The following DNAH14 variants were observed in gnomAD, a reference collection of about 807,000 sequenced individuals.
DNAH14 encodes the protein dynein axonemal heavy chain 14, also known as axonemal beta dynein heavy chain 14.
DNAH14 carries 478 observed loss-of-function variants against 520.9 expected under a neutral mutation model. The observed-to-expected ratio is 0.92, with a 90% CI of 0.85 to 0.99. DNAH14 has a LOEUF of 0.99. Among genes scored for constraint, DNAH14 ranks in the 50% least tolerant of loss-of-function variants. The pLI is 0.00. For synonymous variants in DNAH14, 1,581 were observed against 1,757.2 expected, an observed-to-expected ratio of 0.90 and a Z score of 2.51; for missense variants, 4,831 against 5,234.5, an observed-to-expected ratio of 0.92 and a Z score of 2.38.
intron 75 of DNAH14, 141 bp from the exon 76 acceptor site, chr1:225,364,650 GA>G: frequency 1.9e-6 from 1 of 536,092 alleles, no homozygotes; most frequent in East Asian, 3.3e-5. Context: ...GCGCAACATG[GA>G]AGCTCTTCTG....
rs149531816 is a variant in DNAH14 at position 225,246,856 on chromosome 1, A to G, written c.6749-5445A>G. Among the ~76,000 whole-genome samples the G allele has an allele frequency of 3.7e-3, 560 of 152,336 alleles. 4 individuals carry two copies. Among genetic ancestry groups the G allele is most frequent in the African/African-American group, 0.013 (542 of 41,572 alleles). ...AGGATCTAGAACCAGATACCATTTG[A>G]CCCAGCAATCCCATTACTGGGTATA... On this transcript the variant is annotated intron_variant, in intron 43 of 85. Coordinates refer to ENST00000682510, the MANE Select transcript of DNAH14 (RefSeq NM_001367479.1).
chr1:225,249,871 T>C (rs1184638405), intron 43 of DNAH14, among the ~76,000 whole-genome samples: 2 of 152,216 alleles, frequency 1.3e-5, no homozygotes, highest in Admixed American at 1.3e-4. Flanking sequence ...ATTTCATGTA[T>C]CATAATGTTT....
chr1:225,017,641 C>T (rs185214768), intron 10 of DNAH14, among the ~76,000 whole-genome samples: 6 of 152,348 alleles, frequency 3.9e-5, no homozygotes, highest in South Asian at 2.1e-4. Flanking sequence ...TGTTTCCCAC[C>T]GATGGTCACC....
intron 17 of DNAH14, among the ~76,000 whole-genome samples, chr1:225,061,733 T>A (rs1459210225): frequency 6.6e-6 from 1 of 152,170 alleles, no homozygotes; most frequent in Non-Finnish European, 1.5e-5. Flanking sequence ...AAGTGATCCT[T>A]TCAGCCTCCT....
At position 225,259,197 on chromosome 1, in the gene DNAH14, A is replaced by C. The variant is rs772223942; in HGVS notation, c.7101A>C (p.Ile2367=). 6.5e-6 allele frequency: 10 copies of C among 1,544,876 alleles called. No homozygotes were observed. In the South Asian group the frequency reaches 1.2e-4, roughly 19 times the overall value. Residue 2367 remains isoleucine, a synonymous_variant, in exon 46 of 86, where the codon ATA becomes ATC. Coordinates refer to ENST00000682510, the MANE Select transcript of DNAH14 (RefSeq NM_001367479.1). ...TAGAGGGTCCAGGAGCATTTGACAT[A>C]AAACATGGTTCAATTTTAGGAGACA... The part of the protein sequence containing the change: ...EKLEGPGAFD[I]KHGSILGDTL...
intron 55 of DNAH14, among the ~76,000 whole-genome samples, chr1:225,297,134 G>T (rs1574596891): frequency 2.0e-5 from 3 of 151,708 alleles, no homozygotes; most frequent in Admixed American, 1.3e-4. Context: ...TCTTTCTTCT[G>T]CTTGGTCTTA....
At chr1:225,048,767 A>G (rs2068202964) in intron 15 of DNAH14, among the ~76,000 whole-genome samples, 1 of 152,158 alleles carries the variant, frequency 6.6e-6, no homozygotes, top group African/African-American at 2.4e-5. Flanking sequence ...TATATTTAAC[A>G]TTATGAGAAT....
intron 27 of DNAH14, among the ~76,000 whole-genome samples, chr1:225,127,829 T>A (rs576848600): frequency 7.0e-4 from 106 of 152,316 alleles, no homozygotes; most frequent in Non-Finnish European, 1.4e-3. Context: ...TTTGGCATGA[T>A]TTTGCAGCGG....
At chr1:225,304,844 A>C in intron 57 of DNAH14, 64 bp from the exon 58 acceptor site, 2 of 1,351,726 alleles carry the variant, frequency 1.5e-6, no homozygotes, top group Non-Finnish European at 2.0e-6. Context: ...TAAGTGTTCA[A>C]CTTTCTCTTT....
At chr1:225,157,996 A>G (rs2081198149) in intron 34 of DNAH14, among the ~76,000 whole-genome samples, 2 of 152,214 alleles carry the variant, frequency 1.3e-5, no homozygotes, top group Admixed American at 6.5e-5. Flanking sequence ...GTGACTATAT[A>G]TAGTTAACAG....
intron 17 of DNAH14, among the ~76,000 whole-genome samples, chr1:225,068,789 G>A (rs971295803): frequency 7.2e-5 from 11 of 152,132 alleles, no homozygotes; most frequent in East Asian, 1.9e-4. Flanking sequence ...ATTTTTGCAC[G>A]TTGATTTTCT....
intron 41 of DNAH14, among the ~76,000 whole-genome samples, chr1:225,225,926 C>A (rs945987807): frequency 2.6e-5 from 4 of 152,146 alleles, no homozygotes; most frequent in Admixed American, 1.3e-4. Flanking sequence ...GACGATGCAG[C>A]TTCCTCAGAC....
chr1:225,361,763 T>C (rs1262272111), intron 75 of DNAH14, among the ~76,000 whole-genome samples: 1 of 152,208 alleles, frequency 6.6e-6, no homozygotes, highest in Non-Finnish European at 1.5e-5. Context: ...CTCACGCCTA[T>C]AGTCCCAATG....
Position 225,082,679 on chromosome 1 carries a change from T to C in DNAH14, c.3267T>C (p.Ile1089=), listed in dbSNP as rs1487657799. Residue 1089 remains isoleucine (I), a synonymous_variant, in exon 20 of 86, where the codon ATT becomes ATC. Coordinates refer to ENST00000682510, the MANE Select transcript of DNAH14 (RefSeq NM_001367479.1). ...KPRHWEALQE[I]IGKSVPLDKN... ...GGCATTGGGAGGCTCTCCAGGAGAT[T>C]ATTGGGAAGTCAGTTCCGCTTGATA... is the stretch of plus-strand genomic sequence containing the variant. 1 of 1,551,420 alleles carries C rather than the reference T, an allele frequency of 6.4e-7. No homozygotes were observed. Among genetic ancestry groups the C allele is most frequent in the Non-Finnish European group, 8.7e-7 (1 of 1,146,852 alleles).
At chr1:225,037,451 T>C (rs553201791) in intron 11 of DNAH14, among the ~76,000 whole-genome samples, 1 of 152,290 alleles carries the variant, frequency 6.6e-6, no homozygotes, top group East Asian at 1.9e-4. Flanking sequence ...TATTTTAACC[T>C]CAGGACAACT....
chr1:225,259,480 T>A (rs754418692), intron 46 of DNAH14, among the ~76,000 whole-genome samples: 3 of 152,208 alleles, frequency 2.0e-5, no homozygotes, highest in Admixed American at 6.5e-5. Context: ...TGGTGTACAA[T>A]GTGATGCTTT....
At chr1:225,059,287 C>T (rs10799290) in intron 17 of DNAH14, among the ~76,000 whole-genome samples, 129,592 of 152,164 alleles carry the variant, frequency 0.85, 58,761 homozygotes, top group Non-Finnish European at 1. Flanking sequence ...GTAATGGCCT[C>T]CTTTGTCTCT....
At chr1:225,204,088 T>G in intron 38 of DNAH14, 95 bp from the exon 39 acceptor site, 1 of 627,204 alleles carries the variant, frequency 1.6e-6, no homozygotes, top group Non-Finnish European at 2.5e-6. Flanking sequence ...CCTTTTATAT[T>G]TTTATCACTC....
Position 225,340,572 on chromosome 1 carries a change from A to G in DNAH14, c.10549A>G (p.Thr3517Ala). 6.4e-7 allele frequency: 1 copy of G among 1,551,432 alleles called. No homozygotes were observed. Among genetic ancestry groups the G allele is most frequent in the Non-Finnish European group, 8.7e-7 (1 of 1,146,860 alleles). Reference protein sequence around the residue: ...FQGLQDQLLSTVVTHEVPHLE... With the variant: ...FQGLQDQLLSAVVTHEVPHLE... ...AGGTTTGCAAGATCAACTCTTGTCTACTGTGGTAACTCATGAAGTTCCTCA... is the reference window on the plus strand; with the variant it reads ...AGGTTTGCAAGATCAACTCTTGTCTGCTGTGGTAACTCATGAAGTTCCTCA... The change falls in exon 69 of 86, where the codon ACT becomes GCT. Residue 3517 changes from threonine (T) to alanine (A), a missense_variant. By Grantham distance (58) the Thr-to-Ala change is moderately conservative (BLOSUM62 0). Coordinates refer to ENST00000682510, the MANE Select transcript of DNAH14 (RefSeq NM_001367479.1).
Sources: allele counts gnomAD v4.1 joint callset (sites outside exome capture counted in the v4.1 genomes callset), GRCh38; gene constraint gnomAD v4.1.1; transcripts MANE v1.5; gene names NCBI Gene and HGNC (gene_info 2026-07-23, HGNC 2026-07-21).